VWC2L: variants seen among roughly 807,000 people sequenced by gnomAD.
VWC2L encodes von Willebrand factor C domain containing 2 like.
A neutral mutation model predicts 21.6 loss-of-function variants in VWC2L; 10 were observed. That is an observed-to-expected ratio of 0.46 (90% CI 0.29 to 0.78). The LOEUF is 0.78. Ranked by LOEUF, VWC2L falls within the 30% of genes least tolerant of loss-of-function variation. VWC2L has a pLI of 0.10. For synonymous variants in VWC2L, 96 were observed against 94.3 expected (o/e 1.02, Z -0.10); for missense variants, 209 against 277.1 (o/e 0.75, Z 1.74).
chr2:214,420,150 G>C (rs1417065326), intron 2 of VWC2L, among the ~76,000 whole-genome samples: 1 of 152,136 alleles, frequency 6.6e-6, no homozygotes, highest in Non-Finnish European at 1.5e-5. Flanking sequence ...ATTTAGAATT[G>C]ATTTGCCCTT....
intron 2 of VWC2L, among the ~76,000 whole-genome samples, chr2:214,416,966 A>G (rs1288803881): frequency 2.0e-5 from 3 of 152,148 alleles, no homozygotes; most frequent in Non-Finnish European, 4.4e-5. Context: ...CCTACATTTT[A>G]TAATGAAAGT....
At chr2:214,558,005 C>T (rs1396171590) in intron 3 of VWC2L, among the ~76,000 whole-genome samples, 1 of 152,202 alleles carries the variant, frequency 6.6e-6, no homozygotes, top group Non-Finnish European at 1.5e-5. Flanking sequence ...CAGTCTTCCC[C>T]AGCCTGGCCT....
intron 3 of VWC2L, among the ~76,000 whole-genome samples, chr2:214,511,327 G>A (rs1368329332): frequency 6.6e-6 from 1 of 152,156 alleles, no homozygotes; most frequent in Non-Finnish European, 1.5e-5. Flanking sequence ...AACCACTGTG[G>A]ACTAAATTGT....
chr2:214,514,266 G>A (rs2105907365), intron 3 of VWC2L, among the ~76,000 whole-genome samples: 1 of 151,930 alleles, frequency 6.6e-6, no homozygotes, highest in Middle Eastern at 3.4e-3. Context: ...GACATAGACA[G>A]AAAGCATCTG....
intron 3 of VWC2L, among the ~76,000 whole-genome samples, chr2:214,532,132 A>C (rs1689445657): frequency 6.6e-6 from 1 of 152,114 alleles, no homozygotes. Context: ...AGACTGAAAA[A>C]ACCTGCTTCA....
intron 3 of VWC2L, among the ~76,000 whole-genome samples, chr2:214,442,163 G>A (rs964069542): frequency 2.6e-5 from 4 of 152,048 alleles, no homozygotes; most frequent in African/African-American, 9.7e-5. Context: ...GCCTGCCTCG[G>A]CCTCCCAAAG....
chr2:214,504,079 T>A (rs547057932), intron 3 of VWC2L, among the ~76,000 whole-genome samples: 22 of 152,328 alleles, frequency 1.4e-4, no homozygotes. Flanking sequence ...TTGTAACTGG[T>A]TCTGTGTACA....
intron 3 of VWC2L, among the ~76,000 whole-genome samples, chr2:214,567,321 G>C (rs1323106822): frequency 6.6e-6 from 1 of 152,070 alleles, no homozygotes; most frequent in Non-Finnish European, 1.5e-5. Flanking sequence ...ACAGAGCAGG[G>C]TATCTAGTAC....
At chr2:214,571,226 CCTGTCTCTTTTCCTG>C (rs1227648107) in intron 3 of VWC2L, among the ~76,000 whole-genome samples, 2 of 152,170 alleles carry the variant, frequency 1.3e-5, no homozygotes, top group Admixed American at 1.3e-4. Flanking sequence ...CTCCTAGCTA[CCTGTCTCTTTTCCTG>C]GGCTATTAGA....
chr2:214,489,779 A>T (rs185458430), intron 3 of VWC2L, among the ~76,000 whole-genome samples: 4 of 152,314 alleles, frequency 2.6e-5, no homozygotes, highest in African/African-American at 7.2e-5. Context: ...TTTCTTGTCA[A>T]TTGGTGTTGC....
chr2:214,496,987 T>C (rs914814214), intron 3 of VWC2L, among the ~76,000 whole-genome samples: 1 of 152,220 alleles, frequency 6.6e-6, no homozygotes, highest in Admixed American at 6.5e-5. Flanking sequence ...AAGTGTACAA[T>C]ATCAAAACAC....
intron 3 of VWC2L, among the ~76,000 whole-genome samples, chr2:214,485,316 A>G (rs1478234023): frequency 6.6e-6 from 1 of 151,608 alleles, no homozygotes; most frequent in Non-Finnish European, 1.5e-5. Context: ...TTAAAAAAAG[A>G]AAAAAAAAGT....
chr2:214,524,898 C>G (rs947557185), intron 3 of VWC2L, among the ~76,000 whole-genome samples: 4 of 150,842 alleles, frequency 2.7e-5, no homozygotes, highest in Non-Finnish European at 5.9e-5. Flanking sequence ...TATTTTTCCA[C>G]CGACATCTTC....
intron 3 of VWC2L, among the ~76,000 whole-genome samples, chr2:214,470,535 A>G (rs943106699): frequency 1.3e-5 from 2 of 152,200 alleles, no homozygotes; most frequent in African/African-American, 4.8e-5. Flanking sequence ...AACACTTACA[A>G]GTAAAAATGT....
rs1305127035 is a variant in VWC2L at position 214,515,873 on chromosome 2, G to A, written c.521-59799G>A. Among the ~76,000 whole-genome samples, 4 of 152,256 alleles carry A rather than the reference G, an allele frequency of 2.6e-5. No homozygotes were observed. In the East Asian group the frequency reaches 5.8e-4, roughly 22 times the overall value. ...GATTACAGTGAGCCACCGTGCCCTG[G>A]CCACATGGCTAATTTTATTGACTGA... On this transcript the variant is annotated intron_variant, in intron 3 of 3. Coordinates refer to ENST00000312504, the MANE Select transcript of VWC2L (RefSeq NM_001080500.4).
intron 3 of VWC2L, among the ~76,000 whole-genome samples, chr2:214,471,074 T>C (rs140362740): frequency 6.6e-6 from 1 of 152,244 alleles, no homozygotes; most frequent in East Asian, 1.9e-4. Context: ...TTTTCAAGGG[T>C]ATTTCAATGA....
At chr2:214,479,346 T>C (rs1688568715) in intron 3 of VWC2L, among the ~76,000 whole-genome samples, 1 of 151,922 alleles carries the variant, frequency 6.6e-6, no homozygotes, top group Non-Finnish European at 1.5e-5. Context: ...AAATTTTTAC[T>C]TCATTTATTC....
At chr2:214,510,521 T>C (rs983355280) in intron 3 of VWC2L, among the ~76,000 whole-genome samples, 1 of 152,208 alleles carries the variant, frequency 6.6e-6, no homozygotes, top group Non-Finnish European at 1.5e-5. Flanking sequence ...TCTTCTTCCC[T>C]ATTTAAAACT....
At chr2:214,498,822 A>G (rs1688849386) in intron 3 of VWC2L, among the ~76,000 whole-genome samples, 1 of 150,744 alleles carries the variant, frequency 6.6e-6, no homozygotes, top group African/African-American at 2.4e-5. Flanking sequence ...GATTGTGTAT[A>G]TATGTGCAAA....
Sources: gnomAD v4.1 joint callset for allele counts (sites outside exome capture counted in the v4.1 genomes callset) on GRCh38, gnomAD v4.1.1 for gene constraint, MANE v1.5 for transcripts, NCBI Gene and HGNC (gene_info 2026-07-23, HGNC 2026-07-21) for gene names.